The following KLHDC8A variants were observed in gnomAD, a reference collection of about 807,000 sequenced individuals.
KLHDC8A encodes the protein kelch domain-containing protein 8A.
Under a neutral mutation model 33.1 loss-of-function variants are expected in KLHDC8A, and 21 were observed. That is an observed-to-expected ratio of 0.64 (90% CI 0.45 to 0.91). The LOEUF is 0.91. KLHDC8A is among the 40% of genes least tolerant of loss of function. The pLI is 0.00. For synonymous variants in KLHDC8A, 173 were observed against 193.5 expected (o/e 0.89, Z 0.88); for missense variants, 435 against 483.3 (o/e 0.90, Z 0.94).
chr1:205,342,178 G>A (rs921832037), intron 2 of KLHDC8A, among the ~76,000 whole-genome samples: 7 of 152,220 alleles, frequency 4.6e-5, no homozygotes, highest in Non-Finnish European at 1.0e-4. Context: ...TCTAAAATCA[G>A]AGTAATACTA....
At chr1:205,342,338 T>G (rs1237488301) in intron 2 of KLHDC8A, among the ~76,000 whole-genome samples, 1 of 152,202 alleles carries the variant, frequency 6.6e-6, no homozygotes, top group African/African-American at 2.4e-5. Flanking sequence ...TCCTTCTTAC[T>G]GGGAGGTCAC....
intron 1 of KLHDC8A, among the ~76,000 whole-genome samples, chr1:205,352,810 G>C (rs938809014): frequency 6.6e-6 from 1 of 152,224 alleles, no homozygotes; most frequent in Non-Finnish European, 1.5e-5. Context: ...GGGAGTGGCA[G>C]GGCCTTGGCC....
Position 205,338,564 on chromosome 1 carries a change from G to C in KLHDC8A, c.790C>G (p.Leu264Val), listed in dbSNP as rs1662699016. The C allele has an allele frequency of 5.0e-6, 8 of 1,614,130 alleles. No homozygotes were observed. The highest frequency in any genetic ancestry group is 6.8e-6 in the Non-Finnish European group (8 of 1,180,022). Reference protein sequence around the residue: ...GWLKMERSFFLKKRRADFVAG... With the variant: ...GWLKMERSFFVKKRRADFVAG... ...ACAAAATCTGCCCGCCGCTTCTTGA[G>C]GAAGAACGATCGTTCCATCTTCAGC... The change falls in exon 5 of 6, where the codon CTC becomes GTC. Residue 264 changes from leucine to valine, a missense_variant. Transcript: ENST00000367155.
At position 205,353,078 on chromosome 1, in the gene KLHDC8A, A is replaced by G. The variant is rs190313483; in HGVS notation, c.-190+3455T>C. 4.8e-4 allele frequency among the ~76,000 whole-genome samples: 73 copies of G among 152,264 alleles called. 1 individual carries two copies. Among genetic ancestry groups the G allele is most frequent in the Admixed American group, 2.7e-3 (41 of 15,304 alleles). Reference sequence around the variant, plus strand: ...TCCCTGCTTTGGTCCCAGTCTTGGGAATTATGTTCTGAGAGATTCCTTGAT... The same window carrying G: ...TCCCTGCTTTGGTCCCAGTCTTGGGGATTATGTTCTGAGAGATTCCTTGAT... On this transcript the variant is annotated intron_variant, in intron 1 of 5. Coordinates refer to ENST00000367155, the MANE Select transcript of KLHDC8A (RefSeq NM_018203.3).
chr1:205,342,014 T>G (rs992534008), intron 2 of KLHDC8A, among the ~76,000 whole-genome samples: 4 of 152,232 alleles, frequency 2.6e-5, no homozygotes, highest in African/African-American at 9.6e-5. Context: ...CCCCAGCATC[T>G]GGCACAATGC....
intron 1 of KLHDC8A, among the ~76,000 whole-genome samples, chr1:205,344,764 A>G (rs1466441704): frequency 6.6e-6 from 1 of 152,152 alleles, no homozygotes; most frequent in African/African-American, 2.4e-5. Context: ...ACATGGAAGC[A>G]TAACTTACAC....
Position 205,339,342 on chromosome 1 carries a change from G to T in KLHDC8A, c.609C>A (p.Thr203=), listed in dbSNP as rs760449784. Reference sequence around the variant, plus strand: ...GCTTATAGGGAATGTTGGGAAACTTGGTCCAGGAGCGAGTCTCGATGTCAA... The same window carrying T: ...GCTTATAGGGAATGTTGGGAAACTTTGTCCAGGAGCGAGTCTCGATGTCAA... ...EVFDIETRSW[T]KFPNIPYKRA... is the part of the protein sequence containing the mutation. Residue 203 remains threonine (T), a synonymous_variant, in exon 4 of 6, where the codon ACC becomes ACA. Transcript: ENST00000367155. This position sits in a 1 kb window ranked among gnomAD's most constrained non-coding sequence, Gnocchi z 5.1. The T allele has an allele frequency of 6.2e-7, 1 of 1,614,232 alleles. No individual in the cohort carries two copies. Among genetic ancestry groups the T allele is most frequent in the Admixed American group, 1.7e-5 (1 of 60,030 alleles).
At chr1:205,351,512 T>C in intron 1 of KLHDC8A, 1 of 764,242 alleles carries the variant, frequency 1.3e-6, no homozygotes. Context: ...CCATGCTCTC[T>C]CTCCATAGGT....
rs2102279756 is a variant in KLHDC8A, at chr1:205,339,578, G to A, written c.541+66C>T. 1.3e-6 allele frequency: 2 copies of A among 1,562,180 alleles called. No homozygotes were observed. The highest frequency in any genetic ancestry group is 2.2e-5 in the East Asian group (1 of 44,468). ...AGGAGATGCTCAGCACACAGGCACT[G>A]CTTCCTATGGGAACTGAGCCAAGGG... On this transcript the variant is annotated intron_variant, in intron 3 of 5. Transcript: ENST00000367155. The surrounding 1 kb of genome is among the most constrained non-coding windows in gnomAD (Gnocchi z 5.1).
chr1:205,355,537 A>AT (rs1309852891), intron 1 of KLHDC8A, among the ~76,000 whole-genome samples: 1 of 152,232 alleles, frequency 6.6e-6, no homozygotes, highest in Non-Finnish European at 1.5e-5. Context: ...TTTGAACCTC[A>AT]TAAAAAGTCA....
At position 205,337,483 on chromosome 1, in the gene KLHDC8A, G is replaced by C; in HGVS notation, c.969C>G (p.Val323=). ...PTPRCACSSI[V]VKNCLLAVGG... ...CCACGGCGAGGAGGCAGTTCTTGACGACTATGCTGGAGCAGGCACAGCGGG... is the reference window on the plus strand; with the variant it reads ...CCACGGCGAGGAGGCAGTTCTTGACCACTATGCTGGAGCAGGCACAGCGGG... Residue 323 remains valine, a synonymous_variant, in exon 6 of 6, where the codon GTC becomes GTG. Coordinates refer to ENST00000367155, the MANE Select transcript of KLHDC8A (RefSeq NM_018203.3). The C allele has an allele frequency of 1.9e-6, 3 of 1,614,024 alleles. No homozygotes were observed. Among genetic ancestry groups the C allele is most frequent in the Non-Finnish European group, 2.5e-6 (3 of 1,179,972 alleles).
At position 205,339,275 on chromosome 1, in the gene KLHDC8A, T is replaced by C; in HGVS notation, c.676A>G (p.Ser226Gly). ...SFVTLDNHLY[S>G]LGGLRQGRLY... ...CGACCTTGCCGCAGGCCTCCTAGGC[T>C]GTACAAGTGGTTGTCCAGGGTCACA... The change falls in exon 4 of 6, where the codon AGC becomes GGC. Residue 226 changes from serine to glycine, a missense_variant. Coordinates refer to ENST00000367155, the MANE Select transcript of KLHDC8A (RefSeq NM_018203.3). The surrounding 1 kb of genome is among the most constrained non-coding windows in gnomAD (Gnocchi z 5.1). 6.2e-7 allele frequency: 1 copy of C among 1,614,200 alleles called. No individual in the cohort carries two copies. Among genetic ancestry groups the C allele is most frequent in the Non-Finnish European group, 8.5e-7 (1 of 1,180,036 alleles).
In KLHDC8A at chr1:205,356,742, C is replaced by T. The variant is rs542710348; in HGVS notation, c.-399G>A. On this transcript the variant is annotated 5_prime_UTR_variant, in exon 1 of 6. Coordinates refer to ENST00000367155, the MANE Select transcript of KLHDC8A (RefSeq NM_018203.3). ...TGCCTCTGGCTGATCGACTGGGATG[C>T]AGCCAGGCCCCTATGCACAGGGCAT... 4 of 374,968 alleles carry T rather than the reference C, an allele frequency of 1.1e-5. No individual in the cohort carries two copies. Among genetic ancestry groups the T allele is most frequent in the African/African-American group, 6.3e-5 (3 of 47,718 alleles). 23.2% of individuals were successfully genotyped at this position (374,968 alleles called of 1,614,324 possible).
At position 205,339,552 on chromosome 1, in the gene KLHDC8A, G is replaced by A. The variant is rs1190526753; in HGVS notation, c.541+92C>T. The stretch of plus-strand genomic sequence containing the variant: ...GGGCAGTGTGATTATCCCCAGTGCC[G>A]AGGAGATGCTCAGCACACAGGCACT... On this transcript the variant is annotated intron_variant, in intron 3 of 5. Coordinates refer to ENST00000367155, the MANE Select transcript of KLHDC8A (RefSeq NM_018203.3). The surrounding 1 kb of genome is among the most constrained non-coding windows in gnomAD (Gnocchi z 5.1). 32 of 1,483,358 alleles carry A rather than the reference G, an allele frequency of 2.2e-5. No homozygotes were observed. Among genetic ancestry groups the A allele is most frequent in the Non-Finnish European group, 2.7e-5 (29 of 1,075,682 alleles). 91.9% of individuals were successfully genotyped at this position (1,483,358 alleles called of 1,614,324 possible). A position where few individuals can be genotyped will look rare whatever the true frequency, so the allele number is the denominator to read the frequency against.
At chr1:205,342,456 G>A (rs559899451) in intron 2 of KLHDC8A, among the ~76,000 whole-genome samples, 4 of 152,296 alleles carry the variant, frequency 2.6e-5, no homozygotes, top group South Asian at 4.1e-4. Flanking sequence ...CAGATCTTCC[G>A]CCTCTTTCCT....
intron 1 of KLHDC8A, among the ~76,000 whole-genome samples, chr1:205,346,949 A>G (rs1662964923): frequency 6.6e-6 from 1 of 152,164 alleles, no homozygotes; most frequent in Non-Finnish European, 1.5e-5. Flanking sequence ...CCCCCATTCT[A>G]AACTAAGGCT....
intron 1 of KLHDC8A, chr1:205,348,289 T>C (rs947859640): frequency 6.6e-6 from 1 of 152,152 alleles, no homozygotes; most frequent in South Asian, 2.1e-4. Flanking sequence ...GAATTCCAAG[T>C]GTAGGGAACA....
intron 5 of KLHDC8A, 115 bp from the exon 6 acceptor site, chr1:205,337,707 A>C: frequency 4.3e-6 from 3 of 696,698 alleles, no homozygotes; most frequent in African/African-American, 1.8e-5. Flanking sequence ...AGCAAGGTCA[A>C]CTTCCTTGGC....
In KLHDC8A at chr1:205,339,009, C is replaced by A. The variant is rs114395689; in HGVS notation, c.757+185G>T. On this transcript the variant is annotated intron_variant, in intron 4 of 5. Coordinates refer to ENST00000367155, the MANE Select transcript of KLHDC8A (RefSeq NM_018203.3). The surrounding 1 kb of genome is among the most constrained non-coding windows in gnomAD (Gnocchi z 5.1). ...AAAACCAACCAAGCAAAAAGGGGAC[C>A]TATACCAATGAAGGAATTTGATTCC... is the stretch of plus-strand genomic sequence containing the variant. Among the ~76,000 whole-genome samples the A allele has an allele frequency of 0.014, 2,087 of 152,244 alleles. 34 individuals are homozygous for A. The highest frequency in any genetic ancestry group is 0.083 in the South Asian group (403 of 4,828).
Sources: gnomAD v4.1 joint callset for allele counts (sites outside exome capture counted in the v4.1 genomes callset) on GRCh38, gnomAD v4.1.1 for gene constraint, Gnocchi (gnomAD v3.1) non-coding constraint, MANE v1.5 for transcripts, NCBI Gene and HGNC (gene_info 2026-07-23, HGNC 2026-07-21) for gene names.